The following IREB2 variants were observed in gnomAD, a reference collection of about 807,000 sequenced individuals.
IREB2 encodes the protein iron-responsive element-binding protein 2.
A neutral mutation model predicts 118.8 loss-of-function variants in IREB2; 39 were observed. That is an observed-to-expected ratio of 0.33 (90% CI 0.25 to 0.43). IREB2 has a LOEUF of 0.43. Among genes scored for constraint, IREB2 ranks in the 20% least tolerant of loss-of-function variants. IREB2 has a pLI of 1.00. For missense variants in IREB2, 900 were observed against 1,147.3 expected (o/e 0.78, Z 3.11); for synonymous variants, 372 against 392.2 (o/e 0.95, Z 0.61).
At chr15:78,444,642 CA>C (rs1427300549) in intron 2 of IREB2, among the ~76,000 whole-genome samples, 5 of 152,054 alleles carry the variant, frequency 3.3e-5, no homozygotes, top group Non-Finnish European at 7.4e-5. Flanking sequence ...AGAAGAATCA[CA>C]AAAAGACAAG....
At chr15:78,446,102 A>G (rs1194806429) in intron 2 of IREB2, among the ~76,000 whole-genome samples, 2 of 152,230 alleles carry the variant, frequency 1.3e-5, no homozygotes, top group East Asian at 3.9e-4. Flanking sequence ...GTTTTAACCT[A>G]TTTTGACTGC....
chr15:78,471,713 G>A (rs769414012), intron 6 of IREB2, 28 bp from the exon 7 acceptor site: 27 of 1,447,932 alleles, frequency 1.9e-5, no homozygotes, highest in Admixed American at 4.2e-5. Flanking sequence ...ACTAACATTT[G>A]TATTTCTTAA....
chr15:78,454,087 T>C (rs1029891514), intron 2 of IREB2, among the ~76,000 whole-genome samples: 4 of 152,216 alleles, frequency 2.6e-5, no homozygotes, highest in African/African-American at 9.6e-5. Context: ...ACACTGCTAG[T>C]GGGAATGTAA....
intron 2 of IREB2, among the ~76,000 whole-genome samples, chr15:78,459,041 TC>T (rs1019503302): frequency 1.3e-5 from 2 of 151,600 alleles, no homozygotes; most frequent in East Asian, 1.9e-4. Context: ...ACTCAAGCAG[TC>T]CCCCCTCCCA....
At chr15:78,497,885 A>C in intron 21 of IREB2, 148 bp from the exon 22 acceptor site, 1 of 545,522 alleles carries the variant, frequency 1.8e-6, no homozygotes, top group South Asian at 2.6e-5. Context: ...AGTTTCAGGC[A>C]ATCAGAATAT....
intron 13 of IREB2, among the ~76,000 whole-genome samples, chr15:78,487,044 T>G (rs2051673177): frequency 6.6e-6 from 1 of 152,176 alleles, no homozygotes; most frequent in Non-Finnish European, 1.5e-5. Context: ...ATTTTAGACT[T>G]TTTTGCTTTT....
At chr15:78,487,168 T>A (rs36146269) in intron 13 of IREB2, among the ~76,000 whole-genome samples, 76,820 of 147,418 alleles carry the variant, frequency 0.52, 20,816 homozygotes, top group Non-Finnish European at 0.63. Context: ...AATTGAGAGA[T>A]TACTCCTATC....
In IREB2 at chr15:78,500,451, A is replaced by G. The variant is rs1470831742; in HGVS notation, c.*2308A>G. The G allele has an allele frequency of 6.6e-6, 1 of 152,032 alleles. No individual in the cohort carries two copies. Among genetic ancestry groups the G allele is most frequent in the Admixed American group, 6.6e-5 (1 of 15,258 alleles). 9.4% of individuals were successfully genotyped at this position (152,032 alleles called of 1,614,324 possible). Reference sequence around the variant, plus strand: ...TACCTTATAATTCTGCCTCTAGCCAAATGCTATGTTTGCAAAATGTGGCAT... The same window carrying G: ...TACCTTATAATTCTGCCTCTAGCCAGATGCTATGTTTGCAAAATGTGGCAT... On this transcript the variant is annotated 3_prime_UTR_variant, in exon 22 of 22. Coordinates refer to ENST00000258886, the MANE Select transcript of IREB2 (RefSeq NM_004136.4).
At chr15:78,444,178 C>A (rs565991322) in intron 2 of IREB2, among the ~76,000 whole-genome samples, 1 of 152,182 alleles carries the variant, frequency 6.6e-6, no homozygotes, top group South Asian at 2.1e-4. Context: ...CCACCTCACC[C>A]TCTCAAGTAG....
chr15:78,462,173 A>G (rs774585254), intron 2 of IREB2, among the ~76,000 whole-genome samples: 2 of 152,128 alleles, frequency 1.3e-5, no homozygotes, highest in South Asian at 4.1e-4. Flanking sequence ...TCTTAATGAT[A>G]TATATTCTGG....
intron 9 of IREB2, among the ~76,000 whole-genome samples, chr15:78,477,612 C>G (rs982718459): frequency 6.6e-6 from 1 of 152,084 alleles, no homozygotes; most frequent in Non-Finnish European, 1.5e-5. Flanking sequence ...ATCCTTACCC[C>G]CAAAGATTTC....
intron 8 of IREB2, chr15:78,474,739 T>C (rs1463242625): frequency 1.3e-5 from 2 of 152,172 alleles, no homozygotes; most frequent in African/African-American, 4.8e-5. Flanking sequence ...TAATATCTAA[T>C]CTGTGTTTCT....
In IREB2 at chr15:78,490,482, T is replaced by A. The variant is rs1160124647; in HGVS notation, c.2137T>A (p.Leu713Ile). ...APDSVLFPWD[L>I]KSTYIRCPSF... is the part of the protein sequence containing the mutation. ...GGATTCAGTTTTGTTTCCATGGGAC[T>A]TAAAGTCTACTTATATCAGATGCCC... Residue 713 changes from leucine to isoleucine, a missense_variant, in exon 17 of 22, where the codon TTA becomes ATA. Transcript: ENST00000258886. The A allele has an allele frequency of 3.1e-6, 5 of 1,610,184 alleles. No homozygotes were observed. The highest frequency in any genetic ancestry group is 4.2e-6 in the Non-Finnish European group (5 of 1,178,886).
intron 2 of IREB2, among the ~76,000 whole-genome samples, chr15:78,444,050 G>A (rs1012657835): frequency 6.6e-6 from 1 of 151,818 alleles, no homozygotes; most frequent in Non-Finnish European, 1.5e-5. Context: ...TGTAGATTTT[G>A]AGTAACTCTT....
intron 2 of IREB2, among the ~76,000 whole-genome samples, chr15:78,456,864 A>G (rs1289828207): frequency 1.3e-5 from 2 of 152,090 alleles, no homozygotes; most frequent in African/African-American, 4.8e-5. Flanking sequence ...TTCTTCAGGT[A>G]ATTTCCTCCA....
At chr15:78,472,341 T>C (rs1211286798) in intron 7 of IREB2, among the ~76,000 whole-genome samples, 1 of 151,990 alleles carries the variant, frequency 6.6e-6, no homozygotes, top group African/African-American at 2.4e-5. Flanking sequence ...TTTACTTACG[T>C]GGGCTGTCTC....
chr15:78,453,135 T>C (rs1191859286), intron 2 of IREB2, among the ~76,000 whole-genome samples: 3 of 152,150 alleles, frequency 2.0e-5, no homozygotes, highest in South Asian at 2.1e-4. Flanking sequence ...TCTGAAAAAA[T>C]AGTCTGGAAC....
chr15:78,438,143 T>C, upstream of IREB2: 1 of 570,342 alleles, frequency 1.8e-6, no homozygotes, highest in Non-Finnish European at 3.2e-6. Flanking sequence ...TCCGACGATC[T>C]CGCGGGAGTT....
chr15:78,463,894 A>G (rs2051238891), intron 3 of IREB2, among the ~76,000 whole-genome samples: 1 of 152,068 alleles, frequency 6.6e-6, no homozygotes, highest in Non-Finnish European at 1.5e-5. Context: ...ATTTCTTTCT[A>G]AGTCTTTTCT....
Sources: gnomAD v4.1 joint callset for allele counts (sites outside exome capture counted in the v4.1 genomes callset) on GRCh38, gnomAD v4.1.1 for gene constraint, MANE v1.5 for transcripts, NCBI Gene and HGNC (gene_info 2026-07-23, HGNC 2026-07-21) for gene names.